Variants in TAFA2 observed in about 807,000 individuals in gnomAD.
TAFA2 encodes chemokine-like protein TAFA-2.
TAFA2 carries 7 observed loss-of-function variants against 18.8 expected under a neutral mutation model. The ratio of observed to expected loss-of-function variants is 0.37; its 90% CI spans 0.21 to 0.70. The LOEUF is 0.70. TAFA2 is among the 30% of genes least tolerant of loss of function. The pLI, the probability that TAFA2 is intolerant of heterozygous loss-of-function variation, is 0.53. For missense variants in TAFA2, 122 were observed against 158.1 expected (o/e 0.77, Z 1.23); for synonymous variants, 60 against 54.2 (o/e 1.11, Z -0.47).
At chr12:61,868,583 T>C (rs1874456419) in intron 1 of TAFA2, among the ~76,000 whole-genome samples, 2 of 152,130 alleles carry the variant, frequency 1.3e-5, no homozygotes, top group Admixed American at 1.3e-4. Context: ...TTGTACATTT[T>C]TACCTCCAAA....
chr12:62,040,762 C>G (rs1338394884), intron 1 of TAFA2, among the ~76,000 whole-genome samples: 2 of 152,036 alleles, frequency 1.3e-5, no homozygotes, highest in African/African-American at 4.8e-5. Flanking sequence ...AACGAAGTAC[C>G]CACGAATGAC....
chr12:62,026,854 T>C (rs1195144903), intron 1 of TAFA2, among the ~76,000 whole-genome samples: 3 of 152,194 alleles, frequency 2.0e-5, no homozygotes, highest in Non-Finnish European at 2.9e-5. Flanking sequence ...GTATCACTTA[T>C]GCGGCAATAT....
At chr12:61,924,938 T>C (rs1255408168) in intron 1 of TAFA2, among the ~76,000 whole-genome samples, 1 of 152,096 alleles carries the variant, frequency 6.6e-6, no homozygotes, top group Non-Finnish European at 1.5e-5. Context: ...GGTGCAATCC[T>C]AGTCTCTGAT....
intron 4 of TAFA2, among the ~76,000 whole-genome samples, chr12:61,725,086 A>T (rs542933776): frequency 1.3e-5 from 2 of 151,258 alleles, no homozygotes; most frequent in Non-Finnish European, 2.9e-5. Flanking sequence ...GGCAATTTGT[A>T]TATCTTTCTT....
chr12:62,114,272 G>C (rs1447911125), intron 1 of TAFA2, among the ~76,000 whole-genome samples: 1 of 152,118 alleles, frequency 6.6e-6, no homozygotes, highest in Non-Finnish European at 1.5e-5. Context: ...GTGCTTCCCA[G>C]GTAAGGTGAT....
rs959009168 is a variant in TAFA2, at chr12:62,021,670, T to C, written c.-1-154244A>G. ...AGTATCTCATCTTTGGGTTCCACGA[T>C]GCTCACGTGGTCAGGCAGGGGCTTC... On this transcript the variant is annotated intron_variant, in intron 1 of 4. Transcript: ENST00000416284. 8 of 1,366,538 alleles carry C rather than the reference T, an allele frequency of 5.9e-6. 1 individual carries two copies. The African/African-American group carries it at 8.6e-5, about 15-fold the overall frequency. The allele number at this position is 1,366,538 out of a possible 1,614,324, so 84.7% of individuals were successfully genotyped here.
intron 1 of TAFA2, among the ~76,000 whole-genome samples, chr12:61,932,104 T>C (rs920792666): frequency 3.3e-5 from 5 of 152,176 alleles, no homozygotes; most frequent in African/African-American, 1.2e-4. Context: ...ACTAAAATAA[T>C]GTATATTACT....
intron 1 of TAFA2, among the ~76,000 whole-genome samples, chr12:62,079,679 T>A (rs187621346): frequency 0.1 from 15,403 of 147,946 alleles, 955 homozygotes; most frequent in Non-Finnish European, 0.14. Context: ...AAAAAAAAAA[T>A]TTTTAACAGC....
At chr12:61,901,658 T>G (rs1876105531) in intron 1 of TAFA2, among the ~76,000 whole-genome samples, 1 of 152,190 alleles carries the variant, frequency 6.6e-6, no homozygotes, top group South Asian at 2.1e-4. Context: ...TAAAAATTAT[T>G]TTTTTCAGGT....
At chr12:61,733,650 G>T (rs1449377872) in intron 4 of TAFA2, among the ~76,000 whole-genome samples, 4 of 148,912 alleles carry the variant, frequency 2.7e-5, no homozygotes, top group Non-Finnish European at 6.0e-5. Flanking sequence ...TTTGGTACCA[G>T]TACCATGCTG....
At chr12:61,940,027 C>T (rs938340033) in intron 1 of TAFA2, among the ~76,000 whole-genome samples, 1 of 152,162 alleles carries the variant, frequency 6.6e-6, no homozygotes, top group African/African-American at 2.4e-5. Context: ...AGCCAATAGC[C>T]TGGTACTTAG....
At chr12:61,744,189 G>A (rs967898506) in intron 4 of TAFA2, among the ~76,000 whole-genome samples, 6 of 152,112 alleles carry the variant, frequency 3.9e-5, no homozygotes, top group Non-Finnish European at 8.8e-5. Context: ...GTCGCCTAAA[G>A]ATGTACCTTG....
intron 2 of TAFA2, among the ~76,000 whole-genome samples, chr12:61,757,537 C>T (rs992931567): frequency 6.6e-6 from 1 of 151,774 alleles, no homozygotes; most frequent in Admixed American, 6.6e-5. Context: ...CTACAGAGGC[C>T]GTCTTGAGTG....
At chr12:62,081,532 T>C (rs1411643222) in intron 1 of TAFA2, among the ~76,000 whole-genome samples, 1 of 152,072 alleles carries the variant, frequency 6.6e-6, no homozygotes, top group Non-Finnish European at 1.5e-5. Context: ...TCACCCAGGC[T>C]GGAGTACGGT....
chr12:61,829,940 A>G (rs1351852424), intron 2 of TAFA2, among the ~76,000 whole-genome samples: 1 of 151,804 alleles, frequency 6.6e-6, no homozygotes, highest in Admixed American at 6.6e-5. Flanking sequence ...TTTATATCAC[A>G]AACAATGCAA....
At chr12:61,895,672 G>A (rs1875810016) in intron 1 of TAFA2, among the ~76,000 whole-genome samples, 2 of 152,128 alleles carry the variant, frequency 1.3e-5, no homozygotes, top group Admixed American at 1.3e-4. Flanking sequence ...ATCATAAACT[G>A]GGGCAATCTC....
chr12:61,899,868 T>C (rs939181253), intron 1 of TAFA2, among the ~76,000 whole-genome samples: 10 of 152,364 alleles, frequency 6.6e-5, no homozygotes, highest in African/African-American at 2.4e-4. Flanking sequence ...ATAAGTGATC[T>C]AGAGATGATT....
intron 1 of TAFA2, among the ~76,000 whole-genome samples, chr12:62,112,885 C>T (rs888358770): frequency 3.3e-5 from 5 of 152,050 alleles, no homozygotes; most frequent in Non-Finnish European, 7.4e-5. Flanking sequence ...GTTTCTCTAA[C>T]CTTTTATCAG....
intron 1 of TAFA2, among the ~76,000 whole-genome samples, chr12:62,105,924 C>A (rs11174322): frequency 6.6e-6 from 1 of 152,124 alleles, no homozygotes; most frequent in South Asian, 2.1e-4. Flanking sequence ...CACATGCAAC[C>A]GTTAGGAAGT....
Sources: allele counts gnomAD v4.1 joint callset (sites outside exome capture counted in the v4.1 genomes callset), GRCh38; gene constraint gnomAD v4.1.1; transcripts MANE v1.5; gene names NCBI Gene and HGNC (gene_info 2026-07-23, HGNC 2026-07-21).